Variants in MEI4 observed in about 807,000 individuals in gnomAD.
MEI4 encodes the protein meiosis-specific protein MEI4.
MEI4 carries 27 observed loss-of-function variants against 31.4 expected under a neutral mutation model. That is an observed-to-expected ratio of 0.86 (90% CI 0.63 to 1.19). The LOEUF (loss-of-function observed/expected upper bound fraction) is 1.19. Among genes scored for constraint, MEI4 ranks in the 50% most tolerant of loss-of-function variants. The pLI is 0.00. For missense variants in MEI4, 329 were observed against 398.9 expected, an observed-to-expected ratio of 0.82 and a Z score of 1.49; for synonymous variants, 122 against 145.4, an observed-to-expected ratio of 0.84 and a Z score of 1.16.
At chr6:77,746,185 C>A (rs1011200928) in intron 2 of MEI4, among the ~76,000 whole-genome samples, 1 of 151,942 alleles carries the variant, frequency 6.6e-6, no homozygotes, top group African/African-American at 2.4e-5. Flanking sequence ...ATCCAGGAGC[C>A]GGTTTTTTGA....
intron 4 of MEI4, among the ~76,000 whole-genome samples, chr6:77,868,409 G>A (rs1771105047): frequency 6.8e-6 from 1 of 147,240 alleles, no homozygotes; most frequent in African/African-American, 2.5e-5. Flanking sequence ...CTAAGATACA[G>A]AACATTTGTT....
At chr6:77,902,395 T>G (rs539595238) in intron 4 of MEI4, among the ~76,000 whole-genome samples, 1 of 152,270 alleles carries the variant, frequency 6.6e-6, no homozygotes, top group South Asian at 2.1e-4. Flanking sequence ...ATCAGAATTT[T>G]ATAGTTTTTA....
In MEI4 at chr6:77,825,959, T is replaced by C. The variant is rs80105498; in HGVS notation, c.769-2972T>C. ...GTTTATTCATCCATCCTGAAACTCA[T>C]GTGGGAGAAAGAGCATCATATATTG... On this transcript the variant is annotated intron_variant, in intron 3 of 4. Transcript: ENST00000684080. 4.5e-3 allele frequency among the ~76,000 whole-genome samples: 687 copies of C among 152,312 alleles called. 2 individuals are homozygous for C. The highest frequency in any genetic ancestry group is 6.7e-3 in the Non-Finnish European group (454 of 68,016).
intron 1 of MEI4, among the ~76,000 whole-genome samples, chr6:77,676,356 C>T (rs1768844942): frequency 6.6e-6 from 1 of 151,816 alleles, no homozygotes; most frequent in Non-Finnish European, 1.5e-5. Context: ...TGATCCCCAT[C>T]TGTACAACAA....
intron 4 of MEI4, among the ~76,000 whole-genome samples, chr6:77,879,437 G>C (rs1370653483): frequency 6.6e-6 from 1 of 152,084 alleles, no homozygotes; most frequent in Non-Finnish European, 1.5e-5. Flanking sequence ...AACCAAATTA[G>C]AGATTAATTA....
At chr6:77,874,213 A>C (rs1209588027) in intron 4 of MEI4, among the ~76,000 whole-genome samples, 1 of 152,110 alleles carries the variant, frequency 6.6e-6, no homozygotes, top group Non-Finnish European at 1.5e-5. Context: ...CCATTTTCAC[A>C]ATATTGATTC....
intron 2 of MEI4, among the ~76,000 whole-genome samples, chr6:77,698,480 C>G (rs1766117334): frequency 6.6e-6 from 1 of 152,160 alleles, no homozygotes. Flanking sequence ...CAAAATCTCT[C>G]AGCATTTGCT....
chr6:77,807,425 A>G (rs1225961449), intron 3 of MEI4, among the ~76,000 whole-genome samples: 1 of 152,132 alleles, frequency 6.6e-6, no homozygotes, highest in Non-Finnish European at 1.5e-5. Flanking sequence ...GAATTTTTAA[A>G]CATTTACAAA....
intron 4 of MEI4, among the ~76,000 whole-genome samples, chr6:77,895,980 A>G (rs1766075958): frequency 6.6e-6 from 1 of 152,138 alleles, no homozygotes; most frequent in Non-Finnish European, 1.5e-5. Flanking sequence ...GTCCAGACTA[A>G]CAAACGATCT....
At chr6:77,673,104 T>G (rs953157357) in intron 1 of MEI4, among the ~76,000 whole-genome samples, 11 of 152,146 alleles carry the variant, frequency 7.2e-5, no homozygotes, top group African/African-American at 2.7e-4. Context: ...CATTTTGGAT[T>G]CAAGATTACT....
intron 3 of MEI4, among the ~76,000 whole-genome samples, chr6:77,771,707 T>G (rs1186051844): frequency 6.6e-6 from 1 of 152,102 alleles, no homozygotes; most frequent in Non-Finnish European, 1.5e-5. Context: ...ATATTACATG[T>G]TCTCACTTAT....
intron 3 of MEI4, among the ~76,000 whole-genome samples, chr6:77,790,777 C>A (rs978943501): frequency 6.6e-6 from 1 of 151,930 alleles, no homozygotes; most frequent in Non-Finnish European, 1.5e-5. Flanking sequence ...AAAATTGTAT[C>A]TAATAGAACA....
At chr6:77,891,540 G>A (rs1419535039) in intron 4 of MEI4, among the ~76,000 whole-genome samples, 1 of 151,684 alleles carries the variant, frequency 6.6e-6, no homozygotes, top group Non-Finnish European at 1.5e-5. Flanking sequence ...ACTTTTTTGT[G>A]TTGTTTAACC....
rs780601659 is a variant in MEI4 at position 77,820,356 on chromosome 6, G to A, written c.769-8575G>A. On this transcript the variant is annotated intron_variant, in intron 3 of 4. Coordinates refer to ENST00000684080, the MANE Select transcript of MEI4 (RefSeq NM_001322247.2). The surrounding 1 kb of genome is among the most constrained non-coding windows in gnomAD (Gnocchi z 4.5). ...TCACTGCTGCAGCTTCCACCGCTCG[G>A]GTTCAAGCAGTTCTCCTGCCTCAGC... Among the ~76,000 whole-genome samples the A allele has an allele frequency of 3.3e-5, 5 of 151,992 alleles. No homozygotes were observed. Among genetic ancestry groups the A allele is most frequent in the Non-Finnish European group, 5.9e-5 (4 of 68,006 alleles).
intron 3 of MEI4, among the ~76,000 whole-genome samples, chr6:77,810,439 G>A (rs938289112): frequency 6.6e-6 from 1 of 152,118 alleles, no homozygotes; most frequent in African/African-American, 2.4e-5. Flanking sequence ...TCCGGAAAAA[G>A]CGTATTTAAG....
chr6:77,773,164 G>A (rs1327380034), intron 3 of MEI4, among the ~76,000 whole-genome samples: 1 of 151,794 alleles, frequency 6.6e-6, no homozygotes, highest in Admixed American at 6.6e-5. Context: ...AATACTAATG[G>A]CATTTTTCAC....
chr6:77,852,613 A>T, intron 4 of MEI4, among the ~76,000 whole-genome samples: 1 of 137,042 alleles, frequency 7.3e-6, no homozygotes. Context: ...ACAGTTTTAG[A>T]GACAGGAAAG....
At chr6:77,790,155 A>G (rs1215319877) in intron 3 of MEI4, among the ~76,000 whole-genome samples, 4 of 150,958 alleles carry the variant, frequency 2.6e-5, no homozygotes, top group African/African-American at 9.7e-5. Context: ...TATCACAAGT[A>G]CAAAAGCAAA....
chr6:77,748,838 C>T (rs1051796868), intron 2 of MEI4, among the ~76,000 whole-genome samples: 2 of 152,082 alleles, frequency 1.3e-5, no homozygotes, highest in African/African-American at 2.4e-5. Flanking sequence ...TCAAAGTTCC[C>T]AGTAGGGGCC....
Sources: gnomAD v4.1 joint callset for allele counts (sites outside exome capture counted in the v4.1 genomes callset) on GRCh38, gnomAD v4.1.1 for gene constraint, Gnocchi (gnomAD v3.1) non-coding constraint, MANE v1.5 for transcripts, NCBI Gene and HGNC (gene_info 2026-07-23, HGNC 2026-07-21) for gene names.